KLF7: variants seen among roughly 807,000 people sequenced by gnomAD.
The protein encoded by KLF7 is Krueppel-like factor 7.
KLF7 carries 2 observed loss-of-function variants against 27.3 expected under a neutral mutation model. That is an observed-to-expected ratio of 0.07 (90% CI 0.03 to 0.23). KLF7 has a LOEUF of 0.23. KLF7 is among the 10% of genes least tolerant of loss of function. KLF7 has a pLI of 1.00. For missense variants in KLF7, 221 were observed against 394.1 expected (o/e 0.56, Z 3.72); for synonymous variants, 165 against 162.4 (o/e 1.02, Z -0.12).
chr2:207,118,243 T>C (rs1222264548), intron 2 of KLF7, among the ~76,000 whole-genome samples: 1 of 152,192 alleles, frequency 6.6e-6, no homozygotes, highest in East Asian at 1.9e-4. Flanking sequence ...GAACTGAGAC[T>C]GGCATGTCTC....
chr2:207,092,613 A>G (rs2076537481), intron 2 of KLF7, among the ~76,000 whole-genome samples: 1 of 152,148 alleles, frequency 6.6e-6, no homozygotes, highest in Admixed American at 6.5e-5. Flanking sequence ...CACGTCAAGA[A>G]CTCGCGTTCT....
chr2:207,135,731 T>G (rs2077765965), intron 1 of KLF7, among the ~76,000 whole-genome samples: 1 of 152,214 alleles, frequency 6.6e-6, no homozygotes, highest in Non-Finnish European at 1.5e-5. Context: ...TGTGCATGTG[T>G]TTATTACCAA....
chr2:207,078,942 G>T lies in KLF7; in HGVS notation c.*2271C>A, dbSNP rs2076220770. 1 of 152,170 alleles carries T rather than the reference G, an allele frequency of 6.6e-6. No homozygotes were observed. The highest frequency in any genetic ancestry group is 2.4e-5 in the African/African-American group (1 of 41,444). 9.4% of individuals were successfully genotyped at this position (152,170 alleles called of 1,614,324 possible). A position where few individuals can be genotyped will look rare whatever the true frequency, so the allele number is the denominator to read the frequency against. On this transcript the variant is annotated 3_prime_UTR_variant, in exon 4 of 4. Transcript: ENST00000309446. ...AGTTTTAAATCTTTGGAATAAAACT[G>T]ATTTTTAATACCCTCCAACTAACAT... is the stretch of plus-strand genomic sequence containing the variant.
At chr2:207,105,923 G>C (rs967835170) in intron 2 of KLF7, among the ~76,000 whole-genome samples, 1 of 152,178 alleles carries the variant, frequency 6.6e-6, no homozygotes, top group Non-Finnish European at 1.5e-5. Context: ...ATACGCACCA[G>C]ATTTTGAAGG....
intron 3 of KLF7, 110 bp downstream of exon 3, chr2:207,088,348 A>T (rs934349046): frequency 1.5e-6 from 2 of 1,291,608 alleles, no homozygotes; most frequent in African/African-American, 1.5e-5. Context: ...CCCAGGTCCA[A>T]GTGTCTGTGA....
At position 207,095,168 on chromosome 2, in the gene KLF7, G is replaced by A. The variant is rs891600568; in HGVS notation, c.734-6587C>T. ...CCATTCTCCTGCCTCAGCCTCCCAA[G>A]TACCGAGTAGCTGGGACTACAGGCT... On this transcript the variant is annotated intron_variant, in intron 2 of 3. Transcript: ENST00000309446. Among the ~76,000 whole-genome samples, 15 of 147,604 alleles carry A rather than the reference G, an allele frequency of 1.0e-4. No individual in the cohort carries two copies. The Middle Eastern group carries it at 0.01, about 101-fold the overall frequency.
chr2:207,159,980 C>T (rs926998488), intron 1 of KLF7, among the ~76,000 whole-genome samples: 8 of 152,066 alleles, frequency 5.3e-5, no homozygotes, highest in Non-Finnish European at 1.2e-4. Context: ...CACAAACAAT[C>T]TTAGGTAAAA....
chr2:207,144,074 C>T (rs2078024713), intron 1 of KLF7, among the ~76,000 whole-genome samples: 1 of 90,414 alleles, frequency 1.1e-5, no homozygotes, highest in South Asian at 3.6e-4. Flanking sequence ...TCAAGGGAGG[C>T]AACTGCTTGT....
chr2:207,144,168 G>GGGA (rs1384086950), intron 1 of KLF7, among the ~76,000 whole-genome samples: 3 of 64,610 alleles, frequency 4.6e-5, no homozygotes, highest in African/African-American at 1.7e-4. Context: ...GCGGGGGGGA[G>GGGA]AAAAAAAAAA....
At chr2:207,126,392 C>A (rs1227938730) in intron 1 of KLF7, among the ~76,000 whole-genome samples, 1 of 152,214 alleles carries the variant, frequency 6.6e-6, no homozygotes, top group Non-Finnish European at 1.5e-5. Flanking sequence ...CTGTCAAAGA[C>A]AAAGCCCACT....
At chr2:207,104,285 T>C (rs529050730) in intron 2 of KLF7, among the ~76,000 whole-genome samples, 31 of 152,354 alleles carry the variant, frequency 2.0e-4, no homozygotes, top group African/African-American at 7.5e-4. Flanking sequence ...CAATCTCTGA[T>C]GAAATGTCTA....
chr2:207,158,214 A>G (rs1013667513), intron 1 of KLF7, among the ~76,000 whole-genome samples: 1 of 152,144 alleles, frequency 6.6e-6, no homozygotes, highest in African/African-American at 2.4e-5. Context: ...GGAGGTAGGG[A>G]AGGGCAAAAA....
chr2:207,136,261 ACT>A (rs1226842883), intron 1 of KLF7, among the ~76,000 whole-genome samples: 5 of 151,950 alleles, frequency 3.3e-5, no homozygotes, highest in African/African-American at 1.2e-4. Context: ...GCCTGTTGTC[ACT>A]CTCAGTTCCT....
At chr2:207,129,198 C>T (rs943281170) in intron 1 of KLF7, among the ~76,000 whole-genome samples, 7 of 152,192 alleles carry the variant, frequency 4.6e-5, no homozygotes, top group Non-Finnish European at 7.3e-5. Flanking sequence ...TGTTTTTCCA[C>T]TAGAACCAGA....
At position 207,075,568 on chromosome 2, in the gene KLF7, T is replaced by C. The variant is rs1291609285; in HGVS notation, c.*5645A>G. 6.6e-6 allele frequency: 1 copy of C among 150,466 alleles called. No homozygotes were observed. The highest frequency in any genetic ancestry group is 1.5e-5 in the Non-Finnish European group (1 of 67,838). 9.3% of individuals were successfully genotyped at this position (150,466 alleles called of 1,614,324 possible). ...AAAAAGAAAATGTATAGTGCAAAAA[T>C]AAATTTATTCAAGCAACTGTTAAGA... On this transcript the variant is annotated 3_prime_UTR_variant, in exon 4 of 4. Coordinates refer to ENST00000309446, the MANE Select transcript of KLF7 (RefSeq NM_003709.4).
At chr2:207,136,214 T>A (rs1263469605) in intron 1 of KLF7, among the ~76,000 whole-genome samples, 2 of 152,200 alleles carry the variant, frequency 1.3e-5, no homozygotes, top group Non-Finnish European at 2.9e-5. Flanking sequence ...TCAAAGACTC[T>A]TTCTGGCTCA....
intron 2 of KLF7, among the ~76,000 whole-genome samples, chr2:207,106,069 T>C (rs560715272): frequency 6.6e-6 from 1 of 152,368 alleles, no homozygotes; most frequent in African/African-American, 2.4e-5. Flanking sequence ...CTAATTAGTA[T>C]GATTAATTAC....
At chr2:207,171,770 G>A (rs566079489), upstream of KLF7, among the ~76,000 whole-genome samples, 119 of 152,270 alleles carry the variant, frequency 7.8e-4, 2 homozygotes, top group South Asian at 0.024. Context: ...TTACTATAGA[G>A]TATAGGGTAA....
At chr2:207,156,411 A>G (rs565618874) in intron 1 of KLF7, among the ~76,000 whole-genome samples, 2 of 152,290 alleles carry the variant, frequency 1.3e-5, no homozygotes, top group South Asian at 4.1e-4. Context: ...ACTTCCAAAC[A>G]CTGTGGTTGG....
Sources: gnomAD v4.1 joint callset for allele counts (sites outside exome capture counted in the v4.1 genomes callset) on GRCh38, gnomAD v4.1.1 for gene constraint, MANE v1.5 for transcripts, NCBI Gene and HGNC (gene_info 2026-07-23, HGNC 2026-07-21) for gene names.